MIS12: variants seen among roughly 807,000 people sequenced by gnomAD.
The protein encoded by MIS12 is protein MIS12 homolog.
Under a neutral mutation model 16.5 loss-of-function variants are expected in MIS12, and 13 were observed. The ratio of observed to expected loss-of-function variants is 0.79; its 90% confidence interval spans 0.51 to 1.25. The LOEUF is 1.25. Ranked by LOEUF, MIS12 falls within the 50% of genes most tolerant of loss-of-function variation. The pLI, the probability that MIS12 is intolerant of heterozygous loss-of-function variation, is 0.00. For synonymous variants in MIS12, 97 were observed against 87.3 expected, an observed-to-expected ratio of 1.11 and a Z score of -0.62; for missense variants, 199 against 239.5, an observed-to-expected ratio of 0.83 and a Z score of 1.12.
Position 5,489,272 on chromosome 17 carries a change from C to T in MIS12, c.410C>T (p.Ala137Val), listed in dbSNP as rs777713090. The change falls in exon 3 of 3, where the codon GCC (alanine) becomes GTC (valine). Residue 137 changes from alanine to valine, a missense_variant. Ala to Val is a moderately conservative substitution (Grantham distance 64). Coordinates refer to ENST00000611091, the MANE Select transcript of MIS12 (RefSeq NM_001258217.2). Reference sequence around the variant, plus strand: ...AAGACTGAATTATGTACTAAGCAGGCCCTTCTTGCAGAATTAGAAGAGCAA... The same window carrying T: ...AAGACTGAATTATGTACTAAGCAGGTCCTTCTTGCAGAATTAGAAGAGCAA... ...KYKTELCTKQ[A>V]LLAELEEQKI... 4 of 1,614,016 alleles carry T rather than the reference C, an allele frequency of 2.5e-6. No individual in the cohort carries two copies. In the Admixed American group the frequency reaches 5.0e-5, roughly 20 times the overall value.
At chr17:5,487,619 C>T (rs1906459343) in intron 1 of MIS12, 1 of 152,200 alleles carries the variant, frequency 6.6e-6, no homozygotes, top group Non-Finnish European at 1.5e-5. Context: ...GCAACCTTCG[C>T]CTCTCGGGTT....
In MIS12 at chr17:5,489,476, CT is replaced by C; in HGVS notation, c.616del (p.Ter206AsnfsTer40). 6.3e-7 allele frequency: 1 copy of C among 1,581,590 alleles called. No individual in the cohort carries two copies. The highest frequency in any genetic ancestry group is 1.4e-5 in the African/African-American group (1 of 73,166). ...AAGGAATCGAAACGACTGAAAATAT[CT>C]TAATTGCTCAGTAGTCAAAAGGAGG... ...VEKESKRLKIS is the reference protein window; with the variant it reads ...VEKESKRLKIX On this transcript the variant is annotated frameshift_variant, in exon 3 of 3. Transcript: ENST00000611091. LOFTEE classifies it high-confidence loss of function.
chr17:5,488,771 C>T, intron 2 of MIS12, 52 bp from the exon 3 acceptor site: 1 of 1,410,294 alleles, frequency 7.1e-7, no homozygotes, highest in Non-Finnish European at 9.6e-7. Context: ...TGGTTACTTC[C>T]TGCAGAAGAT....
rs1247732717 is a variant in MIS12 at position 5,489,807 on chromosome 17, G to C, written c.*327G>C. ...AGTCCTTTGTGACCTTGATTATTTT[G>C]GCTTACTCTTTGGATGAGACCAGAC... On this transcript the variant is annotated 3_prime_UTR_variant, in exon 3 of 3. Coordinates refer to ENST00000611091, the MANE Select transcript of MIS12 (RefSeq NM_001258217.2). The C allele has an allele frequency of 4.6e-6, 1 of 218,328 alleles. No homozygotes were observed. The highest frequency in any genetic ancestry group is 2.3e-5 in the African/African-American group (1 of 43,320). 13.5% of individuals were successfully genotyped at this position (218,328 alleles called of 1,614,324 possible).
In MIS12 at chr17:5,486,669, C is replaced by T. The variant is rs935731202; in HGVS notation, c.-450C>T. 1 of 153,266 alleles carries T rather than the reference C, an allele frequency of 6.5e-6. No individual in the cohort carries two copies. The highest frequency in any genetic ancestry group is 2.4e-5 in the African/African-American group (1 of 41,476). The allele number at this position is 153,266 out of a possible 1,614,324, so 9.5% of individuals were successfully genotyped here. A position where few individuals can be genotyped will look rare whatever the true frequency, so the allele number is the denominator to read the frequency against. On this transcript the variant is annotated 5_prime_UTR_variant, in exon 1 of 3. Transcript: ENST00000611091. ...GCCTGTGTGTGCTTCAAATCGTCAC[C>T]CTCATGGTCGCTCCGGTAAGTGCTG...
chr17:5,489,414 C>T lies in MIS12; in HGVS notation c.552C>T (p.Asn184=). ...AGAGTTTAGTATCCCTGGTTCAGAA[C>T]TCCAGAAAACTACAGAACATTAGAG... The part of the protein sequence containing the change: ...FRESLVSLVQ[N]SRKLQNIRDN... The change falls in exon 3 of 3, where the codon AAC becomes AAT. Residue 184 remains asparagine, a synonymous_variant. Coordinates refer to ENST00000611091, the MANE Select transcript of MIS12 (RefSeq NM_001258217.2). 1.2e-6 allele frequency: 2 copies of T among 1,611,332 alleles called. No individual in the cohort carries two copies. Among genetic ancestry groups the T allele is most frequent in the South Asian group, 1.1e-5 (1 of 90,352 alleles).
Position 5,489,199 on chromosome 17 carries a change from G to A in MIS12, c.337G>A (p.Asp113Asn), listed in dbSNP as rs771457555. Residue 113 changes from aspartate (D) to asparagine (N), a missense_variant, in exon 3 of 3, where the codon GAT (aspartate) becomes AAT (asparagine). Transcript: ENST00000611091. ...KCKETPYSEE[D>N]FQHLQKEIEQ... Reference sequence around the variant, plus strand: ...TAAGGAGACACCTTATAGTGAGGAAGATTTTCAGCATCTCCAGAAAGAAAT... The same window carrying A: ...TAAGGAGACACCTTATAGTGAGGAAAATTTTCAGCATCTCCAGAAAGAAAT... The A allele has an allele frequency of 3.1e-6, 5 of 1,614,088 alleles. No individual in the cohort carries two copies. In the African/African-American group the frequency reaches 6.7e-5, roughly 22 times the overall value.
intron 1 of MIS12, chr17:5,487,565 T>A (rs1020513266): frequency 1.8e-4 from 27 of 152,206 alleles, no homozygotes; most frequent in African/African-American, 6.5e-4. Context: ...AGAGTCTCGC[T>A]CTGTTGCCCA....
upstream of MIS12, chr17:5,486,419 GAGTAAGT>G: frequency 2.3e-6 from 1 of 435,870 alleles, no homozygotes; most frequent in Non-Finnish European, 4.1e-6. Context: ...CGGGAAAAAC[GAGTAAGT>G]ACAGGTTCCT....
rs1450219877 is a variant in MIS12, at chr17:5,488,578, C to G, written c.-52C>G. 1.4e-5 allele frequency: 5 copies of G among 357,336 alleles called. No individual in the cohort carries two copies. The highest frequency in any genetic ancestry group is 2.6e-5 in the Non-Finnish European group (5 of 193,684). The allele number at this position is 357,336 out of a possible 1,614,324, so 22.1% of individuals were successfully genotyped here. On this transcript the variant is annotated 5_prime_UTR_variant, in exon 2 of 3. Coordinates refer to ENST00000611091, the MANE Select transcript of MIS12 (RefSeq NM_001258217.2). The stretch of plus-strand genomic sequence containing the variant: ...TGATAATTCAGAAGACTGATCTGTG[C>G]CAAAGTCACAGGTAAGGGAAGTGAA...
In MIS12 at chr17:5,488,815, A is replaced by T; in HGVS notation, c.-40-8A>T. 1 of 1,555,944 alleles carries T rather than the reference A, an allele frequency of 6.4e-7. No individual in the cohort carries two copies. The highest frequency in any genetic ancestry group is 8.7e-7 in the Non-Finnish European group (1 of 1,152,956). ...TCCAAATGAATTATTTCCTTTTTACATTTGCAGGTTTTTCACGACTGAAAA... is the reference window on the plus strand; with the variant it reads ...TCCAAATGAATTATTTCCTTTTTACTTTTGCAGGTTTTTCACGACTGAAAA... On this transcript the variant is annotated splice_polypyrimidine_tract_variant and splice_region_variant and intron_variant, in intron 2 of 2. Coordinates refer to ENST00000611091, the MANE Select transcript of MIS12 (RefSeq NM_001258217.2).
At position 5,488,608 on chromosome 17, in the gene MIS12, G is replaced by A. The variant is rs990222118; in HGVS notation, c.-41+19G>A. On this transcript the variant is annotated intron_variant, in intron 2 of 2. Coordinates refer to ENST00000611091, the MANE Select transcript of MIS12 (RefSeq NM_001258217.2). The stretch of plus-strand genomic sequence containing the variant: ...GTCACAGGTAAGGGAAGTGAACAAC[G>A]AGGAGGGGAAAAGGGAGGGTATAGG... 2 of 423,188 alleles carry A rather than the reference G, an allele frequency of 4.7e-6. No individual in the cohort carries two copies. Among genetic ancestry groups the A allele is most frequent in the Non-Finnish European group, 8.5e-6 (2 of 234,132 alleles). The allele number at this position is 423,188 out of a possible 1,614,324, so 26.2% of individuals were successfully genotyped here. A position where few individuals can be genotyped will look rare whatever the true frequency, so the allele number is the denominator to read the frequency against.
In MIS12 at chr17:5,489,512, A is replaced by G; in HGVS notation, c.*32A>G. The G allele has an allele frequency of 6.5e-7, 1 of 1,548,444 alleles. No individual in the cohort carries two copies. Among genetic ancestry groups the G allele is most frequent in the Non-Finnish European group, 8.7e-7 (1 of 1,154,876 alleles). The stretch of plus-strand genomic sequence containing the variant: ...AGTAGTCAAAAGGAGGAGCCTGTCA[A>G]AAAGTAGAATCATAAGGACTGTTCA... On this transcript the variant is annotated 3_prime_UTR_variant, in exon 3 of 3. Transcript: ENST00000611091.
Position 5,489,462 on chromosome 17 carries a change from A to G in MIS12, c.600A>G (p.Lys200=), listed in dbSNP as rs779729196. 18 of 1,587,486 alleles carry G rather than the reference A, an allele frequency of 1.1e-5. No homozygotes were observed. The highest frequency in any genetic ancestry group is 1.5e-5 in the Non-Finnish European group (18 of 1,172,044). ...GAGACAATGTGGAAAAGGAATCGAA[A>G]CGACTGAAAATATCTTAATTGCTCA... ...NIRDNVEKES[K]RLKIS Residue 200 remains lysine (K), a synonymous_variant, in exon 3 of 3, where the codon AAA becomes AAG. Coordinates refer to ENST00000611091, the MANE Select transcript of MIS12 (RefSeq NM_001258217.2).
Position 5,490,763 on chromosome 17 carries a change from T to G in MIS12, c.*1283T>G, listed in dbSNP as rs1362544619. The stretch of plus-strand genomic sequence containing the variant: ...GTGTTTACATGAAATATGTTTATTA[T>G]CAAGAAGTCCTTTTTCCAATTCTGT... On this transcript the variant is annotated 3_prime_UTR_variant, in exon 3 of 3. Transcript: ENST00000611091. 1 of 167,038 alleles carries G rather than the reference T, an allele frequency of 6.0e-6. No individual in the cohort carries two copies. The highest frequency in any genetic ancestry group is 1.5e-5 in the Non-Finnish European group (1 of 68,130). 10.3% of individuals were successfully genotyped at this position (167,038 alleles called of 1,614,324 possible).
chr17:5,488,099 A>G (rs1168627728), intron 1 of MIS12, 97 bp from the exon 2 acceptor site: 1 of 152,182 alleles, frequency 6.6e-6, no homozygotes. Flanking sequence ...CTAGATGTTT[A>G]TATTTGAGAG....
intron 1 of MIS12, among the ~76,000 whole-genome samples, 164 bp from the exon 2 acceptor site, chr17:5,488,032 G>C (rs1009562193): frequency 2.7e-4 from 41 of 152,158 alleles, no homozygotes; most frequent in Admixed American, 2.0e-3. Context: ...TTTCATCTCA[G>C]AAAAAGATGC....
rs1906531539 is a variant in MIS12, at chr17:5,488,448, G to C, written c.-182G>C. The stretch of plus-strand genomic sequence containing the variant: ...TTGGAAGAGTAGTTACAAATATCAA[G>C]AGCCAGGTGGCTAAAAGGTGGAGCT... On this transcript the variant is annotated 5_prime_UTR_variant, in exon 2 of 3. Transcript: ENST00000611091. 6.1e-6 allele frequency: 1 copy of C among 164,708 alleles called. No homozygotes were observed. Among genetic ancestry groups the C allele is most frequent in the Non-Finnish European group, 1.3e-5 (1 of 75,600 alleles). 10.2% of individuals were successfully genotyped at this position (164,708 alleles called of 1,614,324 possible). A position where few individuals can be genotyped will look rare whatever the true frequency, so the allele number is the denominator to read the frequency against.
Position 5,489,320 on chromosome 17 carries a change from A to C in MIS12, c.458A>C (p.Lys153Thr). 2 of 1,614,056 alleles carry C rather than the reference A, an allele frequency of 1.2e-6. No individual in the cohort carries two copies. Among genetic ancestry groups the C allele is most frequent in the Non-Finnish European group, 1.7e-6 (2 of 1,180,036 alleles). ...CAAAAAATTGTTCAGGCCAAACTCA[A>C]ACAGACGTTGACTTTCTTTGATGAG... ...EEQKIVQAKL[K>T]QTLTFFDELH... Residue 153 changes from lysine (K) to threonine (T), a missense_variant, in exon 3 of 3, where the codon AAA (lysine) becomes ACA (threonine). Lys to Thr is a moderately conservative substitution (Grantham distance 78, BLOSUM62 -1). Coordinates refer to ENST00000611091, the MANE Select transcript of MIS12 (RefSeq NM_001258217.2).
Sources: allele counts gnomAD v4.1 joint callset (sites outside exome capture counted in the v4.1 genomes callset), GRCh38; gene constraint gnomAD v4.1.1; transcripts MANE v1.5; gene names NCBI Gene and HGNC (gene_info 2026-07-23, HGNC 2026-07-21).